Variants in CHRM2 observed in about 807,000 individuals in gnomAD.
CHRM2 encodes muscarinic acetylcholine receptor M2.
In CHRM2, 8 loss-of-function variants were observed where a neutral mutation model predicts 25.0. The ratio of observed to expected loss-of-function variants is 0.32; its 90% CI spans 0.19 to 0.58. The LOEUF (loss-of-function observed/expected upper bound fraction) is 0.58. Among genes scored for constraint, CHRM2 ranks in the 20% least tolerant of loss-of-function variants. CHRM2 has a pLI of 0.88. For missense variants in CHRM2, 440 were observed against 567.1 expected (o/e 0.78, Z 2.28); for synonymous variants, 202 against 205.7 (o/e 0.98, Z 0.15).
intron 3 of CHRM2, among the ~76,000 whole-genome samples, chr7:136,998,780 G>A (rs1185629087): frequency 6.6e-6 from 1 of 151,896 alleles, no homozygotes; most frequent in Admixed American, 6.6e-5. Flanking sequence ...TCCTGAAAAA[G>A]GCATCATCTT....
At chr7:137,005,167 T>C (rs756093833) in intron 3 of CHRM2, among the ~76,000 whole-genome samples, 1 of 152,054 alleles carries the variant, frequency 6.6e-6, no homozygotes, top group Non-Finnish European at 1.5e-5. Context: ...TGGTGTCCAT[T>C]AAGCTCATAC....
chr7:136,940,280 C>T (rs1799687793), intron 2 of CHRM2, among the ~76,000 whole-genome samples: 1 of 152,308 alleles, frequency 6.6e-6, no homozygotes, highest in African/African-American at 2.4e-5. Context: ...TGGATACAAT[C>T]TTCGACAGCT....
At chr7:136,929,128 T>C (rs1410441689) in intron 2 of CHRM2, among the ~76,000 whole-genome samples, 1 of 151,578 alleles carries the variant, frequency 6.6e-6, no homozygotes, top group Non-Finnish European at 1.5e-5. Flanking sequence ...TTGGTCATTT[T>C]ATTTTTTTTT....
intron 2 of CHRM2, among the ~76,000 whole-genome samples, chr7:136,955,339 T>C (rs35012887): frequency 0.038 from 5,788 of 152,286 alleles, 168 homozygotes; most frequent in Non-Finnish European, 0.058. Context: ...TTTAGTACTA[T>C]TACTCTGGGG....
intron 2 of CHRM2, among the ~76,000 whole-genome samples, chr7:136,884,247 C>T (rs1238866287): frequency 1.3e-5 from 2 of 152,090 alleles, no homozygotes; most frequent in Non-Finnish European, 2.9e-5. Context: ...TCTTTTGCTT[C>T]CCCAATTCAT....
intron 2 of CHRM2, among the ~76,000 whole-genome samples, chr7:136,962,143 T>G (rs989205029): frequency 2.3e-3 from 6 of 2,604 alleles, no homozygotes; most frequent in African/African-American, 0.01. Context: ...GTAATTCTGT[T>G]TTTTTTTTTT....
intron 2 of CHRM2, among the ~76,000 whole-genome samples, chr7:136,967,998 A>G (rs1011203952): frequency 5.9e-5 from 9 of 152,066 alleles, no homozygotes; most frequent in African/African-American, 1.9e-4. Flanking sequence ...GGAATTTGAG[A>G]ATAAGAAAGT....
chr7:136,972,050 T>G (rs935669343), intron 2 of CHRM2, among the ~76,000 whole-genome samples: 3 of 152,174 alleles, frequency 2.0e-5, no homozygotes, highest in Non-Finnish European at 4.4e-5. Flanking sequence ...TGTTACTGAT[T>G]GATCTGATAT....
At chr7:136,896,190 T>A (rs1796893934) in intron 2 of CHRM2, among the ~76,000 whole-genome samples, 1 of 152,160 alleles carries the variant, frequency 6.6e-6, no homozygotes, top group South Asian at 2.1e-4. Context: ...AGTCTCCTCA[T>A]CTGAAAATGA....
At position 136,998,755 on chromosome 7, in the gene CHRM2, T is replaced by C. The variant is rs116172665; in HGVS notation, c.-47+6491T>C. On this transcript the variant is annotated intron_variant, in intron 3 of 3. Coordinates refer to ENST00000680005, the MANE Select transcript of CHRM2 (RefSeq NM_001006630.2). The stretch of plus-strand genomic sequence containing the variant: ...GTTTGGGTGGACAATGTGTCTACTG[T>C]CAATTTGCTTGAGTTCCTGAAAAAG... Among the ~76,000 whole-genome samples, 715 of 152,330 alleles carry C rather than the reference T, an allele frequency of 4.7e-3. 8 individuals are homozygous for C. The highest frequency in any genetic ancestry group is 0.016 in the African/African-American group (677 of 41,576).
intron 2 of CHRM2, chr7:136,898,983 G>C (rs376257955): frequency 9.2e-5 from 14 of 152,154 alleles, no homozygotes; most frequent in African/African-American, 3.4e-4. Flanking sequence ...GCTGTAAATT[G>C]AGTTGGTTGA....
At chr7:136,991,346 C>T (rs552920480) in intron 2 of CHRM2, among the ~76,000 whole-genome samples, 1 of 152,186 alleles carries the variant, frequency 6.6e-6, no homozygotes, top group South Asian at 2.1e-4. Flanking sequence ...TGGTTTTTTG[C>T]ATGCAGATGT....
At chr7:136,948,653 A>C (rs1025921699) in intron 2 of CHRM2, among the ~76,000 whole-genome samples, 3 of 152,188 alleles carry the variant, frequency 2.0e-5, no homozygotes, top group Admixed American at 6.6e-5. Flanking sequence ...AATAGGCATG[A>C]ATGTCAGGTT....
chr7:137,014,672 A>T (rs929995525), intron 3 of CHRM2, 148 bp from the exon 4 acceptor site: 6 of 627,238 alleles, frequency 9.6e-6, no homozygotes, highest in Admixed American at 2.9e-5. Flanking sequence ...TGCTTTTTAC[A>T]TGGGGAATTG....
intron 2 of CHRM2, among the ~76,000 whole-genome samples, chr7:136,878,721 T>C (rs1271502891): frequency 6.6e-6 from 1 of 151,958 alleles, no homozygotes; most frequent in Non-Finnish European, 1.5e-5. Context: ...TTCCTTTTTC[T>C]TTCTAAATCT....
intron 2 of CHRM2, among the ~76,000 whole-genome samples, chr7:136,889,860 C>T (rs1238715197): frequency 2.6e-5 from 4 of 152,016 alleles, no homozygotes; most frequent in Middle Eastern, 3.4e-3. Flanking sequence ...TGTTTAAATT[C>T]GTTAGACTTA....
intron 2 of CHRM2, among the ~76,000 whole-genome samples, chr7:136,926,712 G>A (rs1798769909): frequency 6.6e-6 from 1 of 152,170 alleles, no homozygotes; most frequent in South Asian, 2.1e-4. Context: ...TGAGACCCAG[G>A]AGTTTATTAT....
intron 2 of CHRM2, among the ~76,000 whole-genome samples, chr7:136,951,618 G>C (rs1800417879): frequency 6.6e-6 from 1 of 152,276 alleles, no homozygotes; most frequent in African/African-American, 2.4e-5. Flanking sequence ...ATGATTCGCT[G>C]TCCTTTCCTA....
chr7:136,893,234 T>C (rs1208158191), intron 2 of CHRM2, among the ~76,000 whole-genome samples: 1 of 152,092 alleles, frequency 6.6e-6, no homozygotes, highest in Non-Finnish European at 1.5e-5. Context: ...GGTACCCAAA[T>C]TTTCCCTAAT....
Sources: gnomAD v4.1 joint callset for allele counts (sites outside exome capture counted in the v4.1 genomes callset) on GRCh38, gnomAD v4.1.1 for gene constraint, MANE v1.5 for transcripts, NCBI Gene and HGNC (gene_info 2026-07-23, HGNC 2026-07-21) for gene names.